The following CDC20B variants were observed in gnomAD, a reference collection of about 807,000 sequenced individuals.
CDC20B encodes cell division cycle 20B.
A neutral mutation model predicts 64.1 loss-of-function variants in CDC20B; 58 were observed. That is an observed-to-expected ratio of 0.90 (90% CI 0.73 to 1.13). The LOEUF is 1.13. Among genes scored for constraint, CDC20B ranks in the 50% most tolerant of loss-of-function variants. CDC20B has a pLI of 0.00. For missense variants in CDC20B, 597 were observed against 633.0 expected, an observed-to-expected ratio of 0.94 and a Z score of 0.61; for synonymous variants, 243 against 230.6, an observed-to-expected ratio of 1.05 and a Z score of -0.49.
At chr5:55,123,064 T>C (rs1394871271) in intron 9 of CDC20B, among the ~76,000 whole-genome samples, 2 of 152,248 alleles carry the variant, frequency 1.3e-5, no homozygotes, top group Non-Finnish European at 2.9e-5. Context: ...AATATGGTTA[T>C]AGTTCATACA....
chr5:55,126,902 T>C (rs1716877387), intron 8 of CDC20B, among the ~76,000 whole-genome samples: 2 of 152,220 alleles, frequency 1.3e-5, no homozygotes, highest in Non-Finnish European at 2.9e-5. Context: ...GAGCTTAACA[T>C]ATTCCATAGT....
At chr5:55,117,970 T>C (rs1742663724) in intron 11 of CDC20B, among the ~76,000 whole-genome samples, 1 of 151,898 alleles carries the variant, frequency 6.6e-6, no homozygotes, top group African/African-American at 2.4e-5. Flanking sequence ...CACACAAAAA[T>C]TAGCCAGGCG....
intron 6 of CDC20B, among the ~76,000 whole-genome samples, chr5:55,130,283 T>C (rs1742996434): frequency 6.6e-6 from 1 of 152,140 alleles, no homozygotes; most frequent in Admixed American, 6.5e-5. Flanking sequence ...ATAGAGGTGA[T>C]AGAGGAAAGA....
At chr5:55,115,964 G>T (rs1742618601) in intron 11 of CDC20B, among the ~76,000 whole-genome samples, 1 of 152,140 alleles carries the variant, frequency 6.6e-6, no homozygotes, top group Non-Finnish European at 1.5e-5. Flanking sequence ...GGCCCTGGGT[G>T]TGTTGGGACA....
chr5:55,147,260 TTATATATTTATATATTATATAAA>T (rs1743519176), intron 2 of CDC20B, among the ~76,000 whole-genome samples: 4 of 133,358 alleles, frequency 3.0e-5, no homozygotes, highest in South Asian at 4.7e-4. Context: ...ATGTTATGTT[TTATATATTTATATATTATATAAA>T]CATAAATATG....
intron 9 of CDC20B, among the ~76,000 whole-genome samples, chr5:55,124,145 T>C (rs1314657017): frequency 6.6e-6 from 1 of 152,172 alleles, no homozygotes; most frequent in East Asian, 1.9e-4. Context: ...ATGCAGAACA[T>C]GGTGGAGCAT....
At chr5:55,132,186 A>T (rs77905343) in intron 6 of CDC20B, among the ~76,000 whole-genome samples, 2 of 152,360 alleles carry the variant, frequency 1.3e-5, no homozygotes, top group African/African-American at 4.8e-5. Flanking sequence ...TCATGACAAT[A>T]CATTCTCTTG....
Position 55,123,775 on chromosome 5 carries a change from G to A in CDC20B, c.1215+1028C>T, listed in dbSNP as rs116684705. On this transcript the variant is annotated intron_variant, in intron 9 of 11. Coordinates refer to ENST00000381375, the MANE Select transcript of CDC20B (RefSeq NM_001170402.1). Reference sequence around the variant, plus strand: ...TTTTTGTATGTTGTTTTCAGACAGCGTATTTTACATATATTTTGCCTACTT... The same window carrying A: ...TTTTTGTATGTTGTTTTCAGACAGCATATTTTACATATATTTTGCCTACTT... Among the ~76,000 whole-genome samples the A allele has an allele frequency of 3.0e-3, 462 of 152,226 alleles. 1 individual carries two copies. The highest frequency in any genetic ancestry group is 4.7e-3 in the Non-Finnish European group (322 of 68,018).
At chr5:55,160,107 G>A in intron 2 of CDC20B, 10 of 958,692 alleles carry the variant, frequency 1.0e-5, no homozygotes, top group Non-Finnish European at 1.5e-5. Flanking sequence ...TGTCCTTCCT[G>A]GTTTTCCGTT....
chr5:55,128,669 T>C (rs554891218), intron 6 of CDC20B, 52 bp from the exon 7 acceptor site: 1 of 1,351,886 alleles, frequency 7.4e-7, no homozygotes, highest in South Asian at 1.7e-5. Context: ...CATGAAAACA[T>C]GTTCAAATAA....
chr5:55,123,004 C>T (rs770208961), intron 9 of CDC20B, among the ~76,000 whole-genome samples: 12 of 152,130 alleles, frequency 7.9e-5, no homozygotes, highest in Non-Finnish European at 1.5e-4. Flanking sequence ...ATTTGTTGCA[C>T]AGCAATAGAT....
At position 55,146,777 on chromosome 5, in the gene CDC20B, G is replaced by A; in HGVS notation, c.206C>T (p.Ala69Val). 3 of 1,614,108 alleles carry A rather than the reference G, an allele frequency of 1.9e-6. No homozygotes were observed. The South Asian group carries it at 3.3e-5, about 18-fold the overall frequency. ...AKRLSAEVPV[A>V]SSPITTRWQQ... ...CCACCTTGTGGTAATGGGGCTACTC[G>A]CAACAGGAACCTCTGCGGACAGCCT... The change falls in exon 3 of 12, where the codon GCG (alanine) becomes GTG (valine). Residue 69 changes from alanine (A) to valine (V), a missense_variant. Around this residue, in one of 3 missense-constraint regions of CDC20B, gnomAD observed 241 missense variants for 219.2 expected, o/e 1.10. Transcript: ENST00000381375.
intron 6 of CDC20B, among the ~76,000 whole-genome samples, chr5:55,132,739 C>A (rs1201762164): frequency 6.6e-6 from 1 of 152,188 alleles, no homozygotes; most frequent in Non-Finnish European, 1.5e-5. Context: ...TTGAATTTTT[C>A]TCCATAATCT....
At chr5:55,153,620 G>A (rs1042983609) in intron 2 of CDC20B, among the ~76,000 whole-genome samples, 4 of 5,478 alleles carry the variant, frequency 7.3e-4, no homozygotes, top group Admixed American at 2.1e-3. Flanking sequence ...GTGGACTGAA[G>A]GTTTAGTCTC....
At chr5:55,135,420 G>C (rs1036534340) in intron 5 of CDC20B, among the ~76,000 whole-genome samples, 6 of 152,106 alleles carry the variant, frequency 3.9e-5, no homozygotes, top group Admixed American at 2.6e-4. Flanking sequence ...AGGGAGCTGA[G>C]GAAAGACATG....
intron 2 of CDC20B, among the ~76,000 whole-genome samples, chr5:55,155,673 T>C (rs1432101054): frequency 3.9e-5 from 6 of 152,194 alleles, no homozygotes; most frequent in African/African-American, 1.4e-4. Context: ...GTCAAGGTCA[T>C]TTTCAGGTAA....
intron 2 of CDC20B, chr5:55,159,991 A>C (rs1743945800): frequency 3.6e-6 from 2 of 548,224 alleles, no homozygotes; most frequent in Non-Finnish European, 6.4e-6. Flanking sequence ...ATTACATCAC[A>C]AATACTTTGA....
Position 55,143,622 on chromosome 5 carries a change from T to C in CDC20B, c.377A>G (p.Lys126Arg), listed in dbSNP as rs1271719177. 1.3e-6 allele frequency: 2 copies of C among 1,599,132 alleles called. No individual in the cohort carries two copies. Among genetic ancestry groups the C allele is most frequent in the East Asian group, 2.2e-5 (1 of 44,716 alleles). ...LTLGSRKEQL[K>R]TPSKGISETS... is the part of the protein sequence containing the mutation. ...TTCAGAAATTCCTTTGCTGGGGGTC[T>C]TCAGTTGTTCTTTGCGGGATCCTAC... is the stretch of plus-strand genomic sequence containing the variant. The change falls in exon 4 of 12, where the codon AAG becomes AGG. Residue 126 changes from lysine to arginine, a missense_variant. Lys to Arg is a conservative substitution (Grantham distance 26). Around this residue, in one of 3 missense-constraint regions of CDC20B, gnomAD observed 241 missense variants for 219.2 expected, o/e 1.10. Transcript: ENST00000381375.
intron 7 of CDC20B, among the ~76,000 whole-genome samples, 190 bp downstream of exon 7, chr5:55,128,231 T>C (rs761331327): frequency 1.5e-4 from 22 of 147,560 alleles, no homozygotes; most frequent in Non-Finnish European, 3.1e-4. Context: ...AACCAGAGTA[T>C]CCTTACGTTT....
Sources: allele counts gnomAD v4.1 joint callset (sites outside exome capture counted in the v4.1 genomes callset), GRCh38; gene constraint gnomAD v4.1.1; regional missense constraint gnomAD v4.1.1; transcripts MANE v1.5; gene names NCBI Gene and HGNC (gene_info 2026-07-23, HGNC 2026-07-21).